Variants in EGFLAM observed in about 807,000 individuals in gnomAD.
EGFLAM encodes EGF like, fibronectin type III and laminin G domains.
A neutral mutation model predicts 113.1 loss-of-function variants in EGFLAM; 79 were observed. The ratio of observed to expected loss-of-function variants is 0.70; its 90% CI spans 0.58 to 0.84. EGFLAM has a LOEUF of 0.84. EGFLAM is among the 40% of genes least tolerant of loss of function. EGFLAM has a pLI of 0.00. For synonymous variants in EGFLAM, 504 were observed against 487.6 expected, an observed-to-expected ratio of 1.03 and a Z score of -0.44; for missense variants, 1,265 against 1,291.6, an observed-to-expected ratio of 0.98 and a Z score of 0.32.
At position 38,427,270 on chromosome 5, in the gene EGFLAM, C is replaced by T; in HGVS notation, c.2054+18C>T. 1 of 1,607,016 alleles carries T rather than the reference C, an allele frequency of 6.2e-7. No homozygotes were observed. The highest frequency in any genetic ancestry group is 8.5e-7 in the Non-Finnish European group (1 of 1,176,982). On this transcript the variant is annotated intron_variant, in intron 14 of 21. Transcript: ENST00000322350. Reference sequence around the variant, plus strand: ...GTCCTCAGGTGAGGGCTGAAAACTTCTGGGACTCTTTCCCTTAAAAAGGCA... The same window carrying T: ...GTCCTCAGGTGAGGGCTGAAAACTTTTGGGACTCTTTCCCTTAAAAAGGCA...
chr5:38,428,605 C>T (rs1388155822), intron 14 of EGFLAM, among the ~76,000 whole-genome samples: 1 of 152,182 alleles, frequency 6.6e-6, no homozygotes, highest in East Asian at 1.9e-4. Context: ...TGGTTTTCTT[C>T]CTGGATAGGG....
chr5:38,294,467 T>A (rs999753508), intron 1 of EGFLAM, among the ~76,000 whole-genome samples: 2 of 152,172 alleles, frequency 1.3e-5, no homozygotes. Context: ...GGAGATTAAA[T>A]ACTTTTTATC....
chr5:38,394,669 A>G (rs1740908291), intron 6 of EGFLAM, among the ~76,000 whole-genome samples: 1 of 149,108 alleles, frequency 6.7e-6, no homozygotes, highest in Non-Finnish European at 1.5e-5. Flanking sequence ...TCGGCCTCCC[A>G]AAGTGCTGGG....
At chr5:38,379,203 C>T (rs1740444950) in intron 6 of EGFLAM, among the ~76,000 whole-genome samples, 1 of 152,084 alleles carries the variant, frequency 6.6e-6, no homozygotes, top group African/African-American at 2.4e-5. Flanking sequence ...GAAGACTTTC[C>T]CTTTACCCAC....
In EGFLAM at chr5:38,451,457, A is replaced by G. The variant is rs140968262; in HGVS notation, c.2686A>G (p.Ser896Gly). The change falls in exon 19 of 22, where the codon AGC (serine) becomes GGC (glycine). Residue 896 changes from serine to glycine, a missense_variant and splice_region_variant. Coordinates refer to ENST00000322350, the MANE Select transcript of EGFLAM (RefSeq NM_152403.4). The stretch of plus-strand genomic sequence containing the variant: ...CCTTCGGGATGGAGCCCTCGTGTTC[A>G]GGTAACCCCCTCTCCATCTGCCTTC... ...LGLRDGALVF[S>G]YNLGSGVASI... 4.2e-4 allele frequency: 672 copies of G among 1,613,882 alleles called. 12 individuals carry two copies. In the East Asian group the frequency reaches 0.012, roughly 29 times the overall value.
chr5:38,393,619 G>C (rs558528306), intron 6 of EGFLAM, among the ~76,000 whole-genome samples: 1 of 152,356 alleles, frequency 6.6e-6, no homozygotes, highest in South Asian at 2.1e-4. Context: ...TCGTGGGCTG[G>C]AACTGGAGTG....
At chr5:38,306,878 T>C (rs1221648213) in intron 1 of EGFLAM, among the ~76,000 whole-genome samples, 5 of 152,202 alleles carry the variant, frequency 3.3e-5, no homozygotes, top group African/African-American at 4.8e-5. Context: ...AGAATTATAC[T>C]GTGGGGAAGC....
At chr5:38,432,161 G>T (rs1290443280) in intron 15 of EGFLAM, among the ~76,000 whole-genome samples, 2 of 152,124 alleles carry the variant, frequency 1.3e-5, no homozygotes, top group African/African-American at 4.8e-5. Context: ...CAATATCTTA[G>T]TTCCCACCAG....
chr5:38,458,450 G>C lies in EGFLAM; in HGVS notation c.2771+56G>C, dbSNP rs952543463. The C allele has an allele frequency of 7.0e-6, 11 of 1,569,674 alleles. No homozygotes were observed. The East Asian group carries it at 1.1e-4, about 16-fold the overall frequency. On this transcript the variant is annotated intron_variant, in intron 20 of 21. Coordinates refer to ENST00000322350, the MANE Select transcript of EGFLAM (RefSeq NM_152403.4). The stretch of plus-strand genomic sequence containing the variant: ...CAGAGCTGAGCAGTGGTGGGATGTG[G>C]TGTCCAGTTCCCTTGTAGTCCCACT...
chr5:38,411,600 A>G (rs1741482569), intron 10 of EGFLAM, among the ~76,000 whole-genome samples: 1 of 143,340 alleles, frequency 7.0e-6, no homozygotes, highest in African/African-American at 2.6e-5. Flanking sequence ...CTCCTGCCTC[A>G]TCCTCCTGAG....
At chr5:38,355,351 G>C (rs1054915432) in intron 5 of EGFLAM, among the ~76,000 whole-genome samples, 4 of 152,118 alleles carry the variant, frequency 2.6e-5, no homozygotes, top group African/African-American at 9.7e-5. Context: ...TATGATGAAG[G>C]GGGGAGTCTG....
chr5:38,346,053 C>T, intron 3 of EGFLAM, among the ~76,000 whole-genome samples: 1 of 152,162 alleles, frequency 6.6e-6, no homozygotes, highest in Non-Finnish European at 1.5e-5. Flanking sequence ...AGTGTCAGTG[C>T]AGGAAAAGAG....
intron 6 of EGFLAM, among the ~76,000 whole-genome samples, chr5:38,404,220 C>G (rs1018373220): frequency 2.0e-5 from 3 of 152,142 alleles, no homozygotes; most frequent in Admixed American, 6.5e-5. Flanking sequence ...GTGCTATGGT[C>G]GGAATGTTTA....
At chr5:38,295,408 A>G (rs532299499) in intron 1 of EGFLAM, among the ~76,000 whole-genome samples, 20 of 152,374 alleles carry the variant, frequency 1.3e-4, no homozygotes, top group African/African-American at 3.8e-4. Context: ...TTTACATAAT[A>G]TATTTAAAAA....
intron 17 of EGFLAM, 138 bp from the exon 18 acceptor site, chr5:38,448,163 C>G: frequency 1.1e-6 from 1 of 909,126 alleles, no homozygotes; most frequent in African/African-American, 1.6e-5. Context: ...GCCAAATATG[C>G]GTGCAGCCGA....
intron 13 of EGFLAM, 44 bp downstream of exon 13, chr5:38,425,136 AT>A (rs748476887): frequency 6.2e-7 from 1 of 1,601,018 alleles, no homozygotes; most frequent in Non-Finnish European, 8.5e-7. Context: ...CTGCATGTTA[AT>A]TTGTGTAGAT....
At chr5:38,412,436 C>T in intron 10 of EGFLAM, 68 bp from the exon 11 acceptor site, 1 of 1,611,816 alleles carries the variant, frequency 6.2e-7, no homozygotes, top group Non-Finnish European at 8.5e-7. Flanking sequence ...GAAGTGACGT[C>T]CACGGAATCT....
intron 5 of EGFLAM, among the ~76,000 whole-genome samples, chr5:38,358,324 G>A (rs1739819289): frequency 6.6e-6 from 1 of 151,566 alleles, no homozygotes; most frequent in African/African-American, 2.4e-5. Context: ...GCGGGCACCT[G>A]TAGTCCCAGC....
chr5:38,409,053 G>A lies in EGFLAM; in HGVS notation c.1298G>A (p.Gly433Glu), dbSNP rs1225583247. The change falls in exon 10 of 22, where the codon GGG becomes GAG. Residue 433 changes from glycine (G) to glutamate (E), a missense_variant. By Grantham distance (98) the Gly-to-Glu change is moderately conservative (BLOSUM62 -2). Transcript: ENST00000322350. ...CTCTACTGTGGGGAGAACGAACACG[G>A]GAGGGGGGATTTCATGTCCCTGGCT... ...LLLYCGENEHGRGDFMSLAII... is the reference protein window; with the variant it reads ...LLLYCGENEHERGDFMSLAII... 2.7e-5 allele frequency: 43 copies of A among 1,595,654 alleles called. No individual in the cohort carries two copies. The highest frequency in any genetic ancestry group is 3.6e-5 in the Non-Finnish European group (42 of 1,170,038).
Sources: gnomAD v4.1 joint callset for allele counts (sites outside exome capture counted in the v4.1 genomes callset) on GRCh38, gnomAD v4.1.1 for gene constraint, MANE v1.5 for transcripts, NCBI Gene and HGNC (gene_info 2026-07-23, HGNC 2026-07-21) for gene names.